DGKB: variants seen among roughly 807,000 people sequenced by gnomAD.
DGKB encodes the protein 90 kDa diacylglycerol kinase.
A neutral mutation model predicts 114.3 loss-of-function variants in DGKB; 67 were observed. The ratio of observed to expected loss-of-function variants is 0.59; its 90% CI spans 0.48 to 0.72. The LOEUF (loss-of-function observed/expected upper bound fraction) is 0.72. Ranked by LOEUF, DGKB falls within the 30% of genes least tolerant of loss-of-function variation. DGKB has a pLI of 0.00. For synonymous variants in DGKB, 398 were observed against 323.1 expected, an observed-to-expected ratio of 1.23 and a Z score of -2.49; for missense variants, 907 against 975.2, an observed-to-expected ratio of 0.93 and a Z score of 0.93.
chr7:14,809,832 C>T lies in DGKB; in HGVS notation c.70+31362G>A, dbSNP rs187649159. ...ATTGTAGTCTTGTTGCTCTAAACTA[C>T]ATGTATAAAAGTGAGCAATAGGTCC... On this transcript the variant is annotated intron_variant, in intron 2 of 25. Transcript: ENST00000402815. 5.3e-5 allele frequency among the ~76,000 whole-genome samples: 8 copies of T among 152,270 alleles called. No homozygotes were observed. In the East Asian group the frequency reaches 1.4e-3, roughly 26 times the overall value.
At chr7:14,356,547 G>T (rs756027403) in intron 21 of DGKB, among the ~76,000 whole-genome samples, 4 of 151,680 alleles carry the variant, frequency 2.6e-5, no homozygotes, top group Non-Finnish European at 5.9e-5. Context: ...ATTTTTAGTA[G>T]AGATGGGTTT....
intron 1 of DGKB, among the ~76,000 whole-genome samples, chr7:14,952,220 C>A (rs865804835): frequency 5.9e-5 from 9 of 151,994 alleles, no homozygotes; most frequent in Non-Finnish European, 1.0e-4. Context: ...TTCCTCAGCA[C>A]CTTCAGAGGA....
At chr7:14,667,002 A>G (rs28656911) in intron 13 of DGKB, among the ~76,000 whole-genome samples, 9,436 of 152,032 alleles carry the variant, frequency 0.062, 1,023 homozygotes, top group African/African-American at 0.22. Context: ...ATTTCAGAGT[A>G]GTTGATTTTA....
intron 23 of DGKB, among the ~76,000 whole-genome samples, chr7:14,238,326 G>C (rs1793115982): frequency 6.6e-6 from 1 of 151,774 alleles, no homozygotes; most frequent in African/African-American, 2.4e-5. Context: ...TCTCTTTCTT[G>C]CTCTGACATG....
At chr7:14,648,664 A>C (rs1447640872) in intron 13 of DGKB, among the ~76,000 whole-genome samples, 3 of 151,964 alleles carry the variant, frequency 2.0e-5, no homozygotes, top group African/African-American at 7.3e-5. Context: ...TGACGAGCTG[A>C]GAGAAGAAGG....
intron 6 of DGKB, among the ~76,000 whole-genome samples, chr7:14,712,192 G>A (rs1585890476): frequency 6.6e-6 from 1 of 152,048 alleles, no homozygotes; most frequent in Admixed American, 6.6e-5. Flanking sequence ...CAGATATGGA[G>A]TGAAAAACAT....
intron 23 of DGKB, among the ~76,000 whole-genome samples, chr7:14,311,333 T>A (rs1805360020): frequency 6.6e-6 from 1 of 152,160 alleles, no homozygotes; most frequent in South Asian, 2.1e-4. Flanking sequence ...GGATTATACA[T>A]CCTTGGTAGT....
At chr7:14,556,666 G>C (rs531721329) in intron 20 of DGKB, among the ~76,000 whole-genome samples, 1 of 151,954 alleles carries the variant, frequency 6.6e-6, no homozygotes, top group African/African-American at 2.4e-5. Flanking sequence ...ATATTGACCC[G>C]TTTTGGCTTT....
At chr7:14,799,781 G>A (rs528505671) in intron 2 of DGKB, among the ~76,000 whole-genome samples, 131 of 152,292 alleles carry the variant, frequency 8.6e-4, no homozygotes, top group African/African-American at 3.1e-3. Context: ...GCTGCTGTGT[G>A]AGCTGCCATG....
At chr7:14,752,256 T>A (rs1036878625) in intron 4 of DGKB, among the ~76,000 whole-genome samples, 2 of 152,174 alleles carry the variant, frequency 1.3e-5, no homozygotes, top group South Asian at 4.1e-4. Context: ...AGTGTCATTA[T>A]CCTTGTTAAA....
At chr7:14,741,538 C>A (rs1832585163) in intron 4 of DGKB, among the ~76,000 whole-genome samples, 1 of 152,176 alleles carries the variant, frequency 6.6e-6, no homozygotes, top group Non-Finnish European at 1.5e-5. Context: ...CGGTGGCAGC[C>A]TGGGATCAAT....
intron 2 of DGKB, among the ~76,000 whole-genome samples, chr7:14,802,821 T>C (rs948068414): frequency 3.9e-5 from 6 of 152,146 alleles, no homozygotes; most frequent in Non-Finnish European, 8.8e-5. Flanking sequence ...GTAAAGTGTC[T>C]CTTCGCCTTG....
intron 22 of DGKB, among the ~76,000 whole-genome samples, chr7:14,343,152 G>C (rs1028310317): frequency 1.5e-5 from 1 of 67,912 alleles, no homozygotes; most frequent in East Asian, 3.4e-4. Context: ...ATTTTGCCTA[G>C]CTATCCACAC....
intron 23 of DGKB, among the ~76,000 whole-genome samples, chr7:14,307,457 G>C: frequency 6.6e-6 from 1 of 152,108 alleles, no homozygotes; most frequent in East Asian, 1.9e-4. Flanking sequence ...TAACAGTAAA[G>C]GTTAAAGATT....
At chr7:14,681,741 T>C (rs927088863) in intron 12 of DGKB, among the ~76,000 whole-genome samples, 1 of 152,122 alleles carries the variant, frequency 6.6e-6, no homozygotes, top group African/African-American at 2.4e-5. Flanking sequence ...CATATAACTG[T>C]AGAAGTACCA....
At chr7:14,767,193 G>A (rs1431267307) in intron 2 of DGKB, among the ~76,000 whole-genome samples, 1 of 151,182 alleles carries the variant, frequency 6.6e-6, no homozygotes, top group African/African-American at 2.4e-5. Context: ...AGTCGAGAGA[G>A]AAAAAAATAA....
rs1824416125 is a variant in DGKB, at chr7:14,698,166, G to A, written c.520C>T (p.Leu174=). The A allele has an allele frequency of 2.6e-6, 4 of 1,517,604 alleles. No homozygotes were observed. The allele number at this position is 1,517,604 out of a possible 1,614,324, so 94.0% of individuals were successfully genotyped here. ...ATCATCTGACTGATGATATTTTCTAGCTCCTGGAAGAGAAAGAGAGATAAA... is the reference window on the plus strand; with the variant it reads ...ATCATCTGACTGATGATATTTTCTAACTCCTGGAAGAGAAAGAGAGATAAA... ...DGNGFLDSSE[L]ENIISQMMHV... is the part of the protein sequence containing the mutation. Residue 174 remains leucine (L), a synonymous_variant, in exon 8 of 26, where the codon CTA becomes TTA. Coordinates refer to ENST00000402815, the MANE Select transcript of DGKB (RefSeq NM_001350709.2).
intron 1 of DGKB, among the ~76,000 whole-genome samples, chr7:14,949,393 G>C (rs1375439104): frequency 6.6e-6 from 1 of 151,884 alleles, no homozygotes; most frequent in East Asian, 1.9e-4. Context: ...TTATCTTAGA[G>C]ATGCTTTAAC....
intron 17 of DGKB, among the ~76,000 whole-genome samples, chr7:14,588,072 G>C (rs185566788): frequency 6.6e-6 from 1 of 151,966 alleles, no homozygotes; most frequent in Non-Finnish European, 1.5e-5. Flanking sequence ...AATGTTTTTC[G>C]CAAAGAAGGT....
Sources: gnomAD v4.1 joint callset for allele counts (sites outside exome capture counted in the v4.1 genomes callset) on GRCh38, gnomAD v4.1.1 for gene constraint, MANE v1.5 for transcripts, NCBI Gene and HGNC (gene_info 2026-07-23, HGNC 2026-07-21) for gene names.